Variants in COPA observed in about 807,000 individuals in gnomAD.
COPA encodes the protein coatomer subunit alpha.
In COPA, 10 loss-of-function variants were observed where a neutral mutation model predicts 158.7. The observed-to-expected ratio is 0.06, with a 90% confidence interval of 0.04 to 0.11. COPA has a LOEUF of 0.11. Among genes scored for constraint, COPA ranks in the 10% least tolerant of loss-of-function variants. The probability of loss-of-function intolerance (pLI) is 1.00; values close to 1 mark genes in which losing one functional copy is unlikely to be tolerated. For missense variants in COPA, 1,065 were observed against 1,536.7 expected (o/e 0.69, Z 5.13); for synonymous variants, 462 against 542.8 (o/e 0.85, Z 2.07).
At chr1:160,324,703 T>C (rs74125588) in intron 7 of COPA, among the ~76,000 whole-genome samples, 5,031 of 152,240 alleles carry the variant, frequency 0.033, 277 homozygotes, top group African/African-American at 0.12. Flanking sequence ...TGTGCTGATA[T>C]ATTTCATGTT....
Position 160,292,612 on chromosome 1 carries a change from A to T in COPA, c.2832T>A (p.His944Gln). 1 of 1,599,966 alleles carries T rather than the reference A, an allele frequency of 6.3e-7. No homozygotes were observed. Among genetic ancestry groups the T allele is most frequent in the Non-Finnish European group, 8.5e-7 (1 of 1,175,080 alleles). Residue 944 changes from histidine (H) to glutamine (Q), a missense_variant, in exon 28 of 33, where the codon CAT becomes CAA. By Grantham distance (24) the His-to-Gln change is conservative. Transcript: ENST00000241704. Reference sequence around the variant, plus strand: ...CAAACTGGATTACCCCTACTTGGTCATGAAGGAGCTGGAACAGAAGGAAAG... The same window carrying T: ...CAAACTGGATTACCCCTACTTGGTCTTGAAGGAGCTGGAACAGAAGGAAAG... Reference protein sequence around the residue: ...GSFETAMRLLHDQVGVIQFGP... With the variant: ...GSFETAMRLLQDQVGVIQFGP...
At chr1:160,312,138 T>C in intron 10 of COPA, 120 bp from the exon 11 acceptor site, 1 of 908,594 alleles carries the variant, frequency 1.1e-6, no homozygotes, top group South Asian at 1.9e-5. Context: ...ATGCATCCCT[T>C]ATTTGCCTAA....
At chr1:160,317,407 G>T (rs1215559619) in intron 8 of COPA, 4 of 1,606,944 alleles carry the variant, frequency 2.5e-6, no homozygotes, top group Non-Finnish European at 2.6e-6. Flanking sequence ...CATCATGTCT[G>T]ACCAGGAGGC....
At chr1:160,335,883 C>CAAAAAA (rs10562824) in intron 3 of COPA, among the ~76,000 whole-genome samples, 5 of 68,008 alleles carry the variant, frequency 7.4e-5, no homozygotes, top group East Asian at 4.4e-4. Flanking sequence ...GACTCAGTCT[C>CAAAAAA]AAAAAAAAAA....
Position 160,306,493 on chromosome 1 carries a change from G to T in COPA, c.1303C>A (p.Leu435Ile), listed in dbSNP as rs1300223116. Reference protein sequence around the residue: ...RFAVLDRMHSLLIKNLKNEIT... With the variant: ...RFAVLDRMHSILIKNLKNEIT... ...TCATTCTTCAGATTCTTGATCAGAA[G>T]CTGCAATAAGTATTAAAGATGGGGT... The change falls in exon 15 of 33, where the codon CTT becomes ATT. Residue 435 changes from leucine (L) to isoleucine (I), a missense_variant and splice_region_variant. Around this residue, in one of 2 missense-constraint regions of COPA, gnomAD observed 980 missense variants for 1,357.8 expected, o/e 0.72. Coordinates refer to ENST00000241704, the MANE Select transcript of COPA (RefSeq NM_004371.4). The T allele has an allele frequency of 2.5e-6, 4 of 1,614,166 alleles. No homozygotes were observed. In the Admixed American group the frequency reaches 6.7e-5, roughly 27 times the overall value.
rs1223966500 is a variant in COPA, at chr1:160,298,424, A to G, written c.1977+421T>C. On this transcript the variant is annotated intron_variant, in intron 19 of 32. Coordinates refer to ENST00000241704, the MANE Select transcript of COPA (RefSeq NM_004371.4). ...AAAGACAGAAGAAATACTACTAGGAAGAAGTTCAGAACTGGAAAACGTTTT... is the reference window on the plus strand; with the variant it reads ...AAAGACAGAAGAAATACTACTAGGAGGAAGTTCAGAACTGGAAAACGTTTT... 3.3e-5 allele frequency among the ~76,000 whole-genome samples: 5 copies of G among 152,342 alleles called. No individual in the cohort carries two copies. In the East Asian group the frequency reaches 9.6e-4, roughly 29 times the overall value.
intron 8 of COPA, among the ~76,000 whole-genome samples, chr1:160,322,602 A>G (rs1390623179): frequency 6.6e-6 from 1 of 152,188 alleles, no homozygotes; most frequent in African/African-American, 2.4e-5. Context: ...ATACATATAT[A>G]TAGAAAAAAA....
Position 160,291,346 on chromosome 1 carries a change from C to A in COPA, c.3409G>T (p.Val1137Leu). The A allele has an allele frequency of 6.2e-7, 1 of 1,613,628 alleles. No homozygotes were observed. The highest frequency in any genetic ancestry group is 8.5e-7 in the Non-Finnish European group (1 of 1,179,884). ...RLLELGPKPE[V>L]AQQTRKILSA... ...GGAGTTCCATCTACCTGTTGGGCCACCTCAGGCTTGGGCCCGAGTTCTAGT... is the reference window on the plus strand; with the variant it reads ...GGAGTTCCATCTACCTGTTGGGCCAACTCAGGCTTGGGCCCGAGTTCTAGT... Residue 1137 changes from valine (V) to leucine (L), a missense_variant, in exon 31 of 33, where the codon GTG (valine) becomes TTG (leucine). Val to Leu is a conservative substitution (Grantham distance 32). This residue lies in a region of COPA where 980 missense variants were observed against 1,357.8 expected (regional missense o/e 0.72). Transcript: ENST00000241704.
chr1:160,309,144 G>A lies in COPA; in HGVS notation c.1176C>T (p.Asp392=). Residue 392 remains aspartate (D), a synonymous_variant, in exon 13 of 33, where the codon GAC becomes GAT. Transcript: ENST00000241704. ...CAGCATCTTTAGGGATGGTGTACAG[G>A]TCATAGGTACTATTCTCTAGATTGC... ...RASNLENSTY[D]LYTIPKDADS... 5.0e-6 allele frequency: 8 copies of A among 1,613,730 alleles called. No homozygotes were observed. Among genetic ancestry groups the A allele is most frequent in the Non-Finnish European group, 5.9e-6 (7 of 1,179,668 alleles).
intron 1 of COPA, 126 bp downstream of exon 1, chr1:160,343,002 CCCT>C: frequency 8.8e-7 from 1 of 1,135,614 alleles, no homozygotes; most frequent in South Asian, 1.3e-5. Context: ...CTCTCTCCCA[CCCT>C]CCGTCTTCCT....
intron 8 of COPA, among the ~76,000 whole-genome samples, chr1:160,322,604 A>G (rs536940664): frequency 7.2e-5 from 11 of 152,300 alleles, no homozygotes; most frequent in African/African-American, 2.4e-4. Flanking sequence ...ACATATATAT[A>G]GAAAAAAAGA....
chr1:160,342,558 T>A (rs1648129842), intron 1 of COPA, among the ~76,000 whole-genome samples: 1 of 152,180 alleles, frequency 6.6e-6, no homozygotes, highest in Non-Finnish European at 1.5e-5. Flanking sequence ...TTTAACTGGG[T>A]ATCCTGCATT....
Position 160,311,850 on chromosome 1 carries a change from G to C in COPA, c.1076+18C>G, listed in dbSNP as rs772835077. 5 of 1,606,360 alleles carry C rather than the reference G, an allele frequency of 3.1e-6. No individual in the cohort carries two copies. The Admixed American group carries it at 5.0e-5, about 16-fold the overall frequency. On this transcript the variant is annotated intron_variant, in intron 11 of 32. Coordinates refer to ENST00000241704, the MANE Select transcript of COPA (RefSeq NM_004371.4). ...GACAGATGAGAGGGTTTGGAGGAAA[G>C]AAACAAGTCCGATTTACCTCCGCAA...
chr1:160,306,274 T>C (rs1415567500), intron 15 of COPA, 80 bp downstream of exon 15: 2 of 1,489,548 alleles, frequency 1.3e-6, no homozygotes, highest in Non-Finnish European at 1.8e-6. Context: ...CAAACTCACT[T>C]GGGGAAAAAA....
chr1:160,315,255 G>A (rs1659093356), intron 8 of COPA, among the ~76,000 whole-genome samples: 1 of 152,190 alleles, frequency 6.6e-6, no homozygotes, highest in Non-Finnish European at 1.5e-5. Context: ...CCTGGCAGGA[G>A]ATCTAACCTT....
intron 6 of COPA, among the ~76,000 whole-genome samples, chr1:160,330,611 G>C (rs1339988347): frequency 6.6e-6 from 1 of 152,080 alleles, no homozygotes; most frequent in Non-Finnish European, 1.5e-5. Flanking sequence ...TCCAAATGCT[G>C]TATCTCAGAA....
chr1:160,292,084 A>G lies in COPA; in HGVS notation c.3075T>C (p.Ala1025=). 1 of 1,614,232 alleles carries G rather than the reference A, an allele frequency of 6.2e-7. No individual in the cohort carries two copies. The highest frequency in any genetic ancestry group is 8.5e-7 in the Non-Finnish European group (1 of 1,180,038). The part of the protein sequence containing the change: ...QLTTVGKFEE[A]VEKFRSILLS... ...GAAGGATGGAACGGAATTTTTCCAC[A>G]GCCTCCTCAAATTTGCCAACTGTGG... The change falls in exon 29 of 33, where the codon GCT becomes GCC. Residue 1025 remains alanine, a synonymous_variant. Coordinates refer to ENST00000241704, the MANE Select transcript of COPA (RefSeq NM_004371.4).
chr1:160,305,718 T>C lies in COPA; in HGVS notation c.1498A>G (p.Met500Val). ...KVKYVIWSAD[M>V]SHVALLAKHA... is the part of the protein sequence containing the mutation. The stretch of plus-strand genomic sequence containing the variant: ...TTGGCTAGTAGTGCTACATGTGACA[T>C]GTCTGCTGACCAGATAACGTATTTC... Residue 500 changes from methionine (M) to valine (V), a missense_variant, in exon 16 of 33, where the codon ATG becomes GTG. Met to Val is a conservative substitution (Grantham distance 21). Around this residue, in one of 2 missense-constraint regions of COPA, gnomAD observed 980 missense variants for 1,357.8 expected, o/e 0.72. Transcript: ENST00000241704. The C allele has an allele frequency of 6.2e-7, 1 of 1,614,222 alleles. No homozygotes were observed. The highest frequency in any genetic ancestry group is 8.5e-7 in the Non-Finnish European group (1 of 1,180,042).
chr1:160,316,155 C>T (rs1291562412), intron 8 of COPA, among the ~76,000 whole-genome samples: 1 of 151,708 alleles, frequency 6.6e-6, no homozygotes, highest in African/African-American at 2.4e-5. Context: ...GTCAGGAGTT[C>T]GAGACCAGCC....
Sources: allele counts gnomAD v4.1 joint callset (sites outside exome capture counted in the v4.1 genomes callset), GRCh38; gene constraint gnomAD v4.1.1; regional missense constraint gnomAD v4.1.1; transcripts MANE v1.5; gene names NCBI Gene and HGNC (gene_info 2026-07-23, HGNC 2026-07-21).